KAT6A: variants seen among roughly 807,000 people sequenced by gnomAD.
The protein encoded by KAT6A is lysine acetyltransferase 6A, also known as histone acetyltransferase KAT6A.
KAT6A carries 9 observed loss-of-function variants against 198.4 expected under a neutral mutation model. The ratio of observed to expected loss-of-function variants is 0.05; its 90% confidence interval spans 0.03 to 0.08. KAT6A has a LOEUF of 0.08. Among genes scored for constraint, KAT6A ranks in the 10% least tolerant of loss-of-function variants. The pLI, the probability that KAT6A is intolerant of heterozygous loss-of-function variation, is 1.00. For synonymous variants in KAT6A, 890 were observed against 883.0 expected, an observed-to-expected ratio of 1.01 and a Z score of -0.14; for missense variants, 2,077 against 2,509.9, an observed-to-expected ratio of 0.83 and a Z score of 3.69.
chr8:41,934,955 A>G (rs1049661276), intron 16 of KAT6A, 88 bp from the exon 17 acceptor site: 5 of 1,053,850 alleles, frequency 4.7e-6, no homozygotes, highest in Non-Finnish European at 6.9e-6. Flanking sequence ...TACAATAGAA[A>G]TGACTTTATT....
chr8:42,003,130 G>A (rs181446172), intron 2 of KAT6A, among the ~76,000 whole-genome samples: 2 of 152,310 alleles, frequency 1.3e-5, no homozygotes, highest in African/African-American at 2.4e-5. Context: ...AGACTAGAAC[G>A]TAAAGGTGAC....
chr8:42,005,398 T>A (rs1029912043), intron 2 of KAT6A, among the ~76,000 whole-genome samples: 2 of 152,190 alleles, frequency 1.3e-5, no homozygotes, highest in African/African-American at 4.8e-5. Flanking sequence ...CTGAGGACAG[T>A]AGCTTTCAAA....
chr8:42,033,237 TG>T (rs1827214666), intron 2 of KAT6A, among the ~76,000 whole-genome samples: 1 of 152,170 alleles, frequency 6.6e-6, no homozygotes, highest in Admixed American at 6.5e-5. Flanking sequence ...GATGTGTTCC[TG>T]GCCCTGTGGA....
At chr8:41,950,592 A>T (rs1371472130) in intron 9 of KAT6A, among the ~76,000 whole-genome samples, 1 of 152,202 alleles carries the variant, frequency 6.6e-6, no homozygotes, top group Non-Finnish European at 1.5e-5. Context: ...AAATATTACA[A>T]CTAAATACTT....
At chr8:42,033,609 CAT>C (rs1827235150) in intron 2 of KAT6A, among the ~76,000 whole-genome samples, 1 of 152,186 alleles carries the variant, frequency 6.6e-6, no homozygotes, top group Non-Finnish European at 1.5e-5. Context: ...ACTAACTTCA[CAT>C]GTGACTTCCT....
At chr8:42,010,476 A>T (rs2150908241) in intron 2 of KAT6A, among the ~76,000 whole-genome samples, 1 of 152,320 alleles carries the variant, frequency 6.6e-6, no homozygotes, top group African/African-American at 2.4e-5. Flanking sequence ...GGGCAGATCT[A>T]CAGAAATCTT....
chr8:41,995,674 CTTTTT>C (rs10710765), intron 2 of KAT6A, among the ~76,000 whole-genome samples: 288 of 103,090 alleles, frequency 2.8e-3, no homozygotes, highest in Non-Finnish European at 4.6e-3. Flanking sequence ...ATTTTCATTT[CTTTTT>C]TTTTTTTTTT....
chr8:41,968,836 G>A (rs1172050243), intron 8 of KAT6A, among the ~76,000 whole-genome samples: 1 of 152,028 alleles, frequency 6.6e-6, no homozygotes, highest in African/African-American at 2.4e-5. Context: ...GGAAGTGTAT[G>A]TTGTATAGCT....
At chr8:42,016,390 C>A in intron 2 of KAT6A, among the ~76,000 whole-genome samples, 1 of 152,286 alleles carries the variant, frequency 6.6e-6, no homozygotes, top group South Asian at 2.1e-4. Context: ...ATTAGTTAAA[C>A]CTTTCCCTTA....
rs556776789 is a variant in KAT6A, at chr8:42,040,338, G to T, written c.600+8040C>A. Among the ~76,000 whole-genome samples the T allele has an allele frequency of 3.3e-5, 5 of 152,266 alleles. No individual in the cohort carries two copies. In the East Asian group the frequency reaches 7.7e-4, roughly 23 times the overall value. ...ATTCCTGAAGCCATTTGTGGTACCCGATGTCTTCATTAATTCCTTCCCTTT... is the reference window on the plus strand; with the variant it reads ...ATTCCTGAAGCCATTTGTGGTACCCTATGTCTTCATTAATTCCTTCCCTTT... On this transcript the variant is annotated intron_variant, in intron 2 of 16. Coordinates refer to ENST00000265713, the MANE Select transcript of KAT6A (RefSeq NM_006766.5).
In KAT6A at chr8:41,964,905, A is replaced by C. The variant is rs118048786; in HGVS notation, c.1483-9494T>G. Among the ~76,000 whole-genome samples the C allele has an allele frequency of 2.8e-3, 419 of 152,312 alleles. 4 individuals are homozygous for C. The highest frequency in any genetic ancestry group is 4.9e-3 in the Non-Finnish European group (334 of 68,006). ...TGATGATGATGAGGAGGAGGAGACG[A>C]TGATAATAAAATTCAGACCTTGGCA... On this transcript the variant is annotated intron_variant, in intron 8 of 16. Transcript: ENST00000265713.
chr8:41,989,730 T>G (rs1052106842), intron 2 of KAT6A, among the ~76,000 whole-genome samples: 1 of 152,128 alleles, frequency 6.6e-6, no homozygotes, highest in Non-Finnish European at 1.5e-5. Flanking sequence ...GCCATCAGAA[T>G]TGATGAGTTT....
At chr8:42,032,514 T>G (rs1307544821) in intron 2 of KAT6A, among the ~76,000 whole-genome samples, 3 of 152,244 alleles carry the variant, frequency 2.0e-5, no homozygotes, top group Non-Finnish European at 4.4e-5. Flanking sequence ...TGTATTTTTA[T>G]CAGTCTTCTT....
At chr8:41,944,179 AG>A (rs1822271355) in intron 12 of KAT6A, among the ~76,000 whole-genome samples, 200 bp from the exon 13 acceptor site, 2 of 152,186 alleles carry the variant, frequency 1.3e-5, no homozygotes. Flanking sequence ...TATATATTGA[AG>A]ACTAAGTTAG....
intron 8 of KAT6A, among the ~76,000 whole-genome samples, chr8:41,960,357 A>G (rs1823143924): frequency 6.6e-6 from 1 of 152,014 alleles, no homozygotes; most frequent in Non-Finnish European, 1.5e-5. Flanking sequence ...AGGCCGGCGG[A>G]TCACGATCGA....
rs560443968 is a variant in KAT6A, at chr8:41,951,694, T to C, written c.1599-2331A>G. On this transcript the variant is annotated intron_variant, in intron 9 of 16. Transcript: ENST00000265713. The stretch of plus-strand genomic sequence containing the variant: ...ATCAGGGCTGTGCTGCAGCTGGGCA[T>C]GCTTCTCTAACTTCTAGAATGATGC... 7.2e-5 allele frequency among the ~76,000 whole-genome samples: 11 copies of C among 152,366 alleles called. No individual in the cohort carries two copies. The East Asian group carries it at 1.5e-3, about 21-fold the overall frequency.
At position 41,933,314 on chromosome 8, in the gene KAT6A, G is replaced by T; in HGVS notation, c.4906C>A (p.Gln1636Lys). The part of the protein sequence containing the change: ...PAANCSIKSP[Q>K]SCVVERPPSN... ...GGAGGCCTCTCCACCACGCAGCTCTGAGGTGACTTGATGCTGCAGTTGGCA... is the reference window on the plus strand; with the variant it reads ...GGAGGCCTCTCCACCACGCAGCTCTTAGGTGACTTGATGCTGCAGTTGGCA... The change falls in exon 17 of 17, where the codon CAG becomes AAG. Residue 1636 changes from glutamine (Q) to lysine (K), a missense_variant. Physicochemically the swap from Gln to Lys is moderately conservative, Grantham distance 53. This residue lies in a region of KAT6A where 500 missense variants were observed against 577.2 expected (regional missense o/e 0.87). Coordinates refer to ENST00000265713, the MANE Select transcript of KAT6A (RefSeq NM_006766.5). The surrounding 1 kb of genome is among the most constrained non-coding windows in gnomAD (Gnocchi z 6.2). The T allele has an allele frequency of 6.3e-7, 1 of 1,575,088 alleles. No individual in the cohort carries two copies.
At chr8:42,023,281 C>CACAT (rs1261061061) in intron 2 of KAT6A, among the ~76,000 whole-genome samples, 1 of 152,102 alleles carries the variant, frequency 6.6e-6, no homozygotes, top group Non-Finnish European at 1.5e-5. Flanking sequence ...AAAAGCCTAG[C>CACAT]ACATTACTAT....
At chr8:42,001,503 T>C (rs562059783) in intron 2 of KAT6A, among the ~76,000 whole-genome samples, 4 of 152,312 alleles carry the variant, frequency 2.6e-5, no homozygotes, top group Non-Finnish European at 5.9e-5. Context: ...TAAGACTACA[T>C]TCTAAAATTT....
Sources: allele counts gnomAD v4.1 joint callset (sites outside exome capture counted in the v4.1 genomes callset), GRCh38; gene constraint gnomAD v4.1.1; regional missense constraint gnomAD v4.1.1; non-coding constraint Gnocchi (gnomAD v3.1); transcripts MANE v1.5; gene names NCBI Gene and HGNC (gene_info 2026-07-23, HGNC 2026-07-21).